The following SYTL2 variants were observed in gnomAD, a reference collection of about 807,000 sequenced individuals.
SYTL2 encodes synaptotagmin like 2, also known as synaptotagmin-like protein 2.
A neutral mutation model predicts 198.7 loss-of-function variants in SYTL2; 165 were observed. That is an observed-to-expected ratio of 0.83 (90% CI 0.73 to 0.94). The LOEUF (loss-of-function observed/expected upper bound fraction) is 0.94. Among genes scored for constraint, SYTL2 ranks in the 40% least tolerant of loss-of-function variants. The pLI is 0.00. For synonymous variants in SYTL2, 966 were observed against 917.7 expected (o/e 1.05, Z -0.95); for missense variants, 2,835 against 2,582.8 (o/e 1.10, Z -2.12).
In SYTL2 at chr11:85,714,424, G is replaced by C. The variant is rs1461495861; in HGVS notation, c.5614C>G (p.Leu1872Val). The change falls in exon 12 of 20, where the codon CTC becomes GTC. Residue 1872 changes from leucine (L) to valine (V), a missense_variant. By Grantham distance (32) the Leu-to-Val change is conservative (BLOSUM62 1). Coordinates refer to ENST00000359152, the MANE Select transcript of SYTL2 (RefSeq NM_206927.4). The stretch of plus-strand genomic sequence containing the variant: ...AAAGACAAACTTGCCTCATCTTGGA[G>C]AAATGCTGGAACAGACTTGCTCATC... ...KRMSKSVPAF[L>V]QDESDDRETD... 1.9e-6 allele frequency: 3 copies of C among 1,613,124 alleles called. No individual in the cohort carries two copies. The highest frequency in any genetic ancestry group is 2.5e-6 in the Non-Finnish European group (3 of 1,179,172).
In SYTL2 at chr11:85,805,333, A is replaced by C. The variant is rs1044732022; in HGVS notation, c.-390+5621T>G. On this transcript the variant is annotated intron_variant, in intron 1 of 19. Coordinates refer to ENST00000359152, the MANE Select transcript of SYTL2 (RefSeq NM_206927.4). Reference sequence around the variant, plus strand: ...CAGTGAGATCCCATCTCTACAAAAAAAAAAAAACAAAAAAACTGAAAACCT... The same window carrying C: ...CAGTGAGATCCCATCTCTACAAAAACAAAAAAACAAAAAAACTGAAAACCT... Among the ~76,000 whole-genome samples, 30 of 151,972 alleles carry C rather than the reference A, an allele frequency of 2.0e-4. 1 individual carries two copies. The highest frequency in any genetic ancestry group is 5.9e-5 in the Non-Finnish European group (4 of 68,006).
rs970954346 is a variant in SYTL2 at position 85,694,344 on chromosome 11, T to C, written c.*851A>G. The C allele has an allele frequency of 4.6e-5, 7 of 152,222 alleles. No homozygotes were observed. Among genetic ancestry groups the C allele is most frequent in the Admixed American group, 3.9e-4 (6 of 15,290 alleles). 9.4% of individuals were successfully genotyped at this position (152,222 alleles called of 1,614,324 possible). On this transcript the variant is annotated 3_prime_UTR_variant, in exon 20 of 20. Transcript: ENST00000359152. ...TTTTACAAAATACGAAAATTTTACATACATAAGAAGAACAGTATAACTGAG... is the reference window on the plus strand; with the variant it reads ...TTTTACAAAATACGAAAATTTTACACACATAAGAAGAACAGTATAACTGAG...
chr11:85,801,317 T>C (rs1287706917), intron 1 of SYTL2, among the ~76,000 whole-genome samples: 1 of 152,142 alleles, frequency 6.6e-6, no homozygotes, highest in African/African-American at 2.4e-5. Context: ...GCTTCAATCA[T>C]TTTGCCAGAA....
rs758053264 is a variant in SYTL2, at chr11:85,700,497, T to A, written c.6268+18A>T. The A allele has an allele frequency of 2.3e-5, 36 of 1,592,932 alleles. No individual in the cohort carries two copies. The highest frequency in any genetic ancestry group is 1.7e-4 in the Middle Eastern group (1 of 6,026). On this transcript the variant is annotated intron_variant, in intron 17 of 19. Coordinates refer to ENST00000359152, the MANE Select transcript of SYTL2 (RefSeq NM_206927.4). Reference sequence around the variant, plus strand: ...GATAAGGAAAGGACATAAATCTGAATAGAAAGTCATTACATACCAGGGACT... The same window carrying A: ...GATAAGGAAAGGACATAAATCTGAAAAGAAAGTCATTACATACCAGGGACT...
chr11:85,722,769 T>C (rs1270107414), intron 8 of SYTL2, among the ~76,000 whole-genome samples: 1 of 152,032 alleles, frequency 6.6e-6, no homozygotes, highest in Non-Finnish European at 1.5e-5. Flanking sequence ...TAAATAAATA[T>C]GTATGGTTTT....
intron 4 of SYTL2, among the ~76,000 whole-genome samples, chr11:85,740,919 G>A (rs1276026328): frequency 6.6e-6 from 1 of 152,196 alleles, no homozygotes; most frequent in Non-Finnish European, 1.5e-5. Context: ...TTTTACAGCC[G>A]TTTTAAAATT....
intron 11 of SYTL2, 113 bp downstream of exon 11, chr11:85,717,370 G>A (rs1406374669): frequency 1.9e-5 from 16 of 835,470 alleles, no homozygotes; most frequent in South Asian, 1.8e-4. Flanking sequence ...GCAAGCTGCA[G>A]GAGTTTAGTG....
At chr11:85,782,810 T>C (rs928407965) in intron 1 of SYTL2, among the ~76,000 whole-genome samples, 14 of 152,242 alleles carry the variant, frequency 9.2e-5, no homozygotes, top group Non-Finnish European at 1.9e-4. Flanking sequence ...TACCAAAGCA[T>C]GATGAGCTTT....
In SYTL2 at chr11:85,721,281, T is replaced by G. The variant is rs2088273962; in HGVS notation, c.5327-322A>C. Among the ~76,000 whole-genome samples, 3 of 152,242 alleles carry G rather than the reference T, an allele frequency of 2.0e-5. No homozygotes were observed. The South Asian group carries it at 6.2e-4, about 31-fold the overall frequency. On this transcript the variant is annotated intron_variant, in intron 8 of 19. Coordinates refer to ENST00000359152, the MANE Select transcript of SYTL2 (RefSeq NM_206927.4). Reference sequence around the variant, plus strand: ...TATGCCAGACATTGACTCTTCCCATTTAACATTCTAGCTTTTGAAGACAGC... The same window carrying G: ...TATGCCAGACATTGACTCTTCCCATGTAACATTCTAGCTTTTGAAGACAGC...
the SYTL2 span, among the ~76,000 whole-genome samples, chr11:85,826,593 C>A: frequency 5.9e-5 from 9 of 152,202 alleles, no homozygotes; most frequent in African/African-American, 2.2e-4. Context: ...AGGGAGCCAG[C>A]GTCTGGAGGA....
chr11:85,744,132 C>T (rs1241761378), intron 4 of SYTL2, among the ~76,000 whole-genome samples: 2 of 152,102 alleles, frequency 1.3e-5, no homozygotes, highest in Admixed American at 6.5e-5. Flanking sequence ...AATAGTGTGT[C>T]CTTCACACTC....
the SYTL2 span, among the ~76,000 whole-genome samples, chr11:85,823,643 C>A: frequency 6.6e-6 from 1 of 152,080 alleles, no homozygotes; most frequent in Non-Finnish European, 1.5e-5. Flanking sequence ...GTATCCGTTA[C>A]TGGGTTGAAA....
At chr11:85,793,938 T>C (rs1227363730) in intron 1 of SYTL2, among the ~76,000 whole-genome samples, 7 of 152,376 alleles carry the variant, frequency 4.6e-5, no homozygotes, top group Non-Finnish European at 1.0e-4. Context: ...AAAAAGAAGT[T>C]AATGCTTTGC....
chr11:85,777,669 G>GA (rs1566014619), intron 1 of SYTL2, among the ~76,000 whole-genome samples: 1 of 129,596 alleles, frequency 7.7e-6, no homozygotes. Context: ...AAAAGAAAAA[G>GA]AAAAAAAACT....
At position 85,748,406 on chromosome 11, in the gene SYTL2, A is replaced by G. The variant is rs2091305416; in HGVS notation, c.119T>C (p.Ile40Thr). 1 of 1,613,638 alleles carries G rather than the reference A, an allele frequency of 6.2e-7. No individual in the cohort carries two copies. The highest frequency in any genetic ancestry group is 1.1e-5 in the South Asian group (1 of 91,052). The change falls in exon 3 of 20, where the codon ATT becomes ACT. Residue 40 changes from isoleucine (I) to threonine (T), a missense_variant. Transcript: ENST00000359152. The stretch of plus-strand genomic sequence containing the variant: ...ATTCTTCAGCTGCTGGTCATCCTTA[A>G]TTTTTTCAGGCAAATGTCTACAAAA... ...EERVRHLPEK[I>T]KDDQQLKNMS...
At chr11:85,816,171 T>C in the SYTL2 span, among the ~76,000 whole-genome samples, 1 of 151,862 alleles carries the variant, frequency 6.6e-6, no homozygotes, top group Non-Finnish European at 1.5e-5. Context: ...TCTCAATAAA[T>C]TAAAAAATAA....
At chr11:85,840,861 G>C in the SYTL2 span, among the ~76,000 whole-genome samples, 1 of 152,014 alleles carries the variant, frequency 6.6e-6, no homozygotes, top group Non-Finnish European at 1.5e-5. Flanking sequence ...CAAAAATTGA[G>C]CTTCTGCACA....
chr11:85,727,737 G>T lies in SYTL2; in HGVS notation c.1621C>A (p.His541Asn), dbSNP rs767206739. 4.5e-6 allele frequency: 7 copies of T among 1,553,160 alleles called. No individual in the cohort carries two copies. In the African/African-American group the frequency reaches 8.2e-5, roughly 18 times the overall value. ...YSDDNKSFLQ[H>N]PRGIESKEKT... ...TCTTTGGACTCTATTCCTCGGGGAT[G>T]TTGGAGGAATGACTTATTGTCATCT... is the stretch of plus-strand genomic sequence containing the variant. Residue 541 changes from histidine (H) to asparagine (N), a missense_variant, in exon 8 of 20, where the codon CAT becomes AAT. His to Asn is a moderately conservative substitution (Grantham distance 68, BLOSUM62 1). Coordinates refer to ENST00000359152, the MANE Select transcript of SYTL2 (RefSeq NM_206927.4).
At chr11:85,775,448 G>A (rs1039156294) in intron 1 of SYTL2, among the ~76,000 whole-genome samples, 6 of 152,122 alleles carry the variant, frequency 3.9e-5, no homozygotes, top group African/African-American at 1.4e-4. Flanking sequence ...GGTAGGTAGA[G>A]CGGATAGGAA....
Sources: gnomAD v4.1 joint callset for allele counts (sites outside exome capture counted in the v4.1 genomes callset) on GRCh38, gnomAD v4.1.1 for gene constraint, MANE v1.5 for transcripts, NCBI Gene and HGNC (gene_info 2026-07-23, HGNC 2026-07-21) for gene names.